The following LZTS1 variants were observed in gnomAD, a reference collection of about 807,000 sequenced individuals.
LZTS1 encodes leucine zipper putative tumor suppressor 1.
LZTS1 carries 31 observed loss-of-function variants against 45.8 expected under a neutral mutation model. The observed-to-expected ratio is 0.68, with a 90% CI of 0.51 to 0.91. The LOEUF (loss-of-function observed/expected upper bound fraction) is 0.91, where lower values mean the gene tolerates loss of function less well. Among genes scored for constraint, LZTS1 ranks in the 40% least tolerant of loss-of-function variants. The pLI is 0.00. For missense variants in LZTS1, 821 were observed against 788.9 expected, an observed-to-expected ratio of 1.04 and a Z score of -0.49; for synonymous variants, 359 against 357.3, an observed-to-expected ratio of 1.00 and a Z score of -0.05.
At chr8:20,302,141 G>A (rs1273480145) in intron 1 of LZTS1, among the ~76,000 whole-genome samples, 1 of 152,048 alleles carries the variant, frequency 6.6e-6, no homozygotes, top group Non-Finnish European at 1.5e-5. Context: ...TTCTTCACTG[G>A]CAGGCACAGA....
chr8:20,246,538 C>G lies in LZTS1; in HGVS notation c.*3184G>C, dbSNP rs1023988064. On this transcript the variant is annotated 3_prime_UTR_variant, in exon 4 of 4. Transcript: ENST00000381569. The stretch of plus-strand genomic sequence containing the variant: ...CTGCTGCTCCTCCAGCCAGGCCTGG[C>G]TTAGTTTCGGGCAACTGTCTCACCT... The G allele has an allele frequency of 2.0e-5, 3 of 152,616 alleles. No homozygotes were observed. The highest frequency in any genetic ancestry group is 2.9e-5 in the Non-Finnish European group (2 of 68,350). 9.5% of individuals were successfully genotyped at this position (152,616 alleles called of 1,614,324 possible). A position where few individuals can be genotyped will look rare whatever the true frequency, so the allele number is the denominator to read the frequency against.
At chr8:20,281,288 G>A (rs183753489) in intron 1 of LZTS1, among the ~76,000 whole-genome samples, 156 of 150,768 alleles carry the variant, frequency 1.0e-3, no homozygotes, top group Admixed American at 1.7e-3. Flanking sequence ...GCCTGGACAC[G>A]GTGGCTCACG....
At chr8:20,271,129 G>A (rs772499071) in intron 1 of LZTS1, among the ~76,000 whole-genome samples, 3 of 152,082 alleles carry the variant, frequency 2.0e-5, no homozygotes, top group Non-Finnish European at 4.4e-5. Context: ...CATTCCCAAC[G>A]AGTCTCTACC....
intron 1 of LZTS1, among the ~76,000 whole-genome samples, chr8:20,300,744 G>A (rs763543819): frequency 2.6e-5 from 4 of 152,172 alleles, no homozygotes; most frequent in Non-Finnish European, 4.4e-5. Context: ...TATGATGGTA[G>A]GGACTCTGAG....
intron 1 of LZTS1, among the ~76,000 whole-genome samples, chr8:20,261,864 G>A (rs992129573): frequency 7.9e-5 from 12 of 152,202 alleles, no homozygotes; most frequent in Admixed American, 1.3e-4. Context: ...TCCCCCAGCC[G>A]GAGATGTTCA....
At chr8:20,302,453 G>T (rs941493145) in intron 1 of LZTS1, among the ~76,000 whole-genome samples, 9 of 152,080 alleles carry the variant, frequency 5.9e-5, no homozygotes, top group African/African-American at 2.2e-4. Flanking sequence ...AATTGTTTTT[G>T]AACTTAGAGA....
Position 20,250,264 on chromosome 8 carries a change from C to T in LZTS1, c.1249G>A (p.Ala417Thr), listed in dbSNP as rs537703016. ...AKASEILGLKAQLKDTRGKLE... is the reference protein window; with the variant it reads ...AKASEILGLKTQLKDTRGKLE... ...TTGCCCCGCGTGTCCTTCAGCTGTG[C>T]CTTGAGACCCAGGATCTCGCTAGCC... is the stretch of plus-strand genomic sequence containing the variant. Residue 417 changes from alanine (A) to threonine (T), a missense_variant, in exon 4 of 4, where the codon GCA (alanine) becomes ACA (threonine). By Grantham distance (58) the Ala-to-Thr change is moderately conservative. Coordinates refer to ENST00000381569, the MANE Select transcript of LZTS1 (RefSeq NM_021020.5). The T allele has an allele frequency of 1.2e-6, 2 of 1,613,844 alleles. No individual in the cohort carries two copies. Among genetic ancestry groups the T allele is most frequent in the Admixed American group, 3.3e-5 (2 of 60,032 alleles).
At chr8:20,294,471 G>T (rs76921922) in intron 1 of LZTS1, among the ~76,000 whole-genome samples, 1 of 152,186 alleles carries the variant, frequency 6.6e-6, no homozygotes, top group South Asian at 2.1e-4. Flanking sequence ...TTCAGGGGCC[G>T]GCTCGCTTTA....
chr8:20,277,649 C>A (rs1800610827), intron 1 of LZTS1, among the ~76,000 whole-genome samples: 2 of 152,132 alleles, frequency 1.3e-5, no homozygotes, highest in South Asian at 4.1e-4. Flanking sequence ...ACTTTGTAGG[C>A]TGATCTATGA....
Position 20,250,174 on chromosome 8 carries a change from G to T in LZTS1, c.1339C>A (p.Leu447Met). Residue 447 changes from leucine (L) to methionine (M), a missense_variant, in exon 4 of 4, where the codon CTG (leucine) becomes ATG (methionine). Physicochemically the swap from Leu to Met is conservative, Grantham distance 15 (BLOSUM62 2). Coordinates refer to ENST00000381569, the MANE Select transcript of LZTS1 (RefSeq NM_021020.5). Reference protein sequence around the residue: ...EGALRTKGLELEVCENELQRK... With the variant: ...EGALRTKGLEMEVCENELQRK... Reference sequence around the variant, plus strand: ...TGCAGCTCATTCTCACAGACCTCCAGCTCCAGGCCCTTGGTGCGCAGGGCG... The same window carrying T: ...TGCAGCTCATTCTCACAGACCTCCATCTCCAGGCCCTTGGTGCGCAGGGCG... The T allele has an allele frequency of 6.2e-7, 1 of 1,610,910 alleles. No individual in the cohort carries two copies.
intron 1 of LZTS1, among the ~76,000 whole-genome samples, chr8:20,279,437 C>T (rs1358824108): frequency 1.3e-5 from 2 of 152,096 alleles, no homozygotes; most frequent in African/African-American, 4.8e-5. Context: ...TAGCTATTTG[C>T]CTCAGAAATT....
intron 1 of LZTS1, among the ~76,000 whole-genome samples, chr8:20,295,717 G>T (rs1173035924): frequency 6.6e-6 from 1 of 152,176 alleles, no homozygotes; most frequent in Non-Finnish European, 1.5e-5. Context: ...AAGGAACAGG[G>T]AGTTCACAGA....
intron 1 of LZTS1, among the ~76,000 whole-genome samples, chr8:20,276,567 T>A (rs1477707828): frequency 6.6e-6 from 1 of 152,206 alleles, no homozygotes; most frequent in Non-Finnish European, 1.5e-5. Flanking sequence ...TCTCTACGCA[T>A]CTCTTCATCT....
intron 1 of LZTS1, among the ~76,000 whole-genome samples, chr8:20,301,440 G>C (rs1024943388): frequency 1.3e-5 from 2 of 152,042 alleles, no homozygotes; most frequent in African/African-American, 4.8e-5. Flanking sequence ...TAAGTGTTAC[G>C]GTATTATCCA....
intron 1 of LZTS1, among the ~76,000 whole-genome samples, chr8:20,255,676 G>A (rs559573649): frequency 2.0e-5 from 3 of 152,284 alleles, no homozygotes; most frequent in African/African-American, 4.8e-5. Flanking sequence ...TACCAGTGCT[G>A]CGGGGGAAAC....
intron 1 of LZTS1, among the ~76,000 whole-genome samples, chr8:20,261,965 C>T (rs531721628): frequency 6.6e-6 from 1 of 152,350 alleles, no homozygotes; most frequent in Admixed American, 6.5e-5. Flanking sequence ...CTCCTTCTCC[C>T]CCTCTCCGTC....
At chr8:20,291,712 C>T (rs1800903893) in intron 1 of LZTS1, among the ~76,000 whole-genome samples, 2 of 130,472 alleles carry the variant, frequency 1.5e-5, no homozygotes, top group South Asian at 2.4e-4. Flanking sequence ...CACCAATTAC[C>T]TATTTGTAAC....
chr8:20,253,086 C>T lies in LZTS1; in HGVS notation c.845G>A (p.Arg282His), dbSNP rs780677649. 6.8e-6 allele frequency: 11 copies of T among 1,609,688 alleles called. No individual in the cohort carries two copies. The highest frequency in any genetic ancestry group is 6.7e-5 in the Admixed American group (4 of 59,964). The change falls in exon 3 of 4, where the codon CGC becomes CAC. Residue 282 changes from arginine (R) to histidine (H), a missense_variant. Physicochemically the swap from Arg to His is conservative, Grantham distance 29 (BLOSUM62 0). Coordinates refer to ENST00000381569, the MANE Select transcript of LZTS1 (RefSeq NM_021020.5). ...EREGALQKLQ[R>H]SFEEKELASS... ...GGCAAGCTCCTTCTCCTCAAAGCTGCGCTGCAGCTTCTGGAGGGCGCCCTC... is the reference window on the plus strand; with the variant it reads ...GGCAAGCTCCTTCTCCTCAAAGCTGTGCTGCAGCTTCTGGAGGGCGCCCTC...
chr8:20,249,647 C>G lies in LZTS1; in HGVS notation c.*75G>C, dbSNP rs1412658849. On this transcript the variant is annotated 3_prime_UTR_variant, in exon 4 of 4. Transcript: ENST00000381569. ...GCGTCTCTCAGAGGGGTCTGAATTG[C>G]TGAGCAGGGGGGATGCACGGGAGAG... 6 of 1,521,878 alleles carry G rather than the reference C, an allele frequency of 3.9e-6. No homozygotes were observed. The Admixed American group carries it at 1.1e-4, about 29-fold the overall frequency. The allele number at this position is 1,521,878 out of a possible 1,614,324, so 94.3% of individuals were successfully genotyped here. A position where few individuals can be genotyped will look rare whatever the true frequency, so the allele number is the denominator to read the frequency against.
Sources: allele counts gnomAD v4.1 joint callset (sites outside exome capture counted in the v4.1 genomes callset), GRCh38; gene constraint gnomAD v4.1.1; transcripts MANE v1.5; gene names NCBI Gene and HGNC (gene_info 2026-07-23, HGNC 2026-07-21).